The following CRADD variants were observed in gnomAD, a reference collection of about 807,000 sequenced individuals.
CRADD encodes the protein CARD and death domain containing adaptor protein, also known as death domain-containing protein CRADD.
A neutral mutation model predicts 15.5 loss-of-function variants in CRADD; 9 were observed. The ratio of observed to expected loss-of-function variants is 0.58; its 90% CI spans 0.35 to 1.01. CRADD has a LOEUF of 1.01. CRADD is among the 50% of genes least tolerant of loss of function. The probability of loss-of-function intolerance (pLI) is 0.02; values close to 1 mark genes in which losing one functional copy is unlikely to be tolerated. For missense variants in CRADD, 227 were observed against 250.3 expected (o/e 0.91, Z 0.63); for synonymous variants, 118 against 107.6 (o/e 1.10, Z -0.60).
At position 93,766,757 on chromosome 12, in the gene CRADD, G is replaced by A. The variant is rs199745026; in HGVS notation, c.299-83213G>A. Among the ~76,000 whole-genome samples, 7 of 152,298 alleles carry A rather than the reference G, an allele frequency of 4.6e-5. No individual in the cohort carries two copies. In the East Asian group the frequency reaches 7.7e-4, roughly 17 times the overall value. On this transcript the variant is annotated intron_variant, in intron 2 of 2. Transcript: ENST00000332896. Reference sequence around the variant, plus strand: ...GTATTAATGGCATCAACCATCCTTTGCTGGAAGATAAAGAGTCAGACTTTC... The same window carrying A: ...GTATTAATGGCATCAACCATCCTTTACTGGAAGATAAAGAGTCAGACTTTC...
intron 2 of CRADD, among the ~76,000 whole-genome samples, chr12:93,754,054 T>C (rs1956861196): frequency 6.6e-6 from 1 of 152,248 alleles, no homozygotes; most frequent in Non-Finnish European, 1.5e-5. Flanking sequence ...TTGCCATACA[T>C]TCTCTGAAAT....
intron 2 of CRADD, chr12:93,859,279 T>C: frequency 2.2e-6 from 1 of 454,050 alleles, no homozygotes; most frequent in Non-Finnish European, 4.4e-6. Flanking sequence ...ATCAAATACA[T>C]TTGTTACTTT....
intron 2 of CRADD, among the ~76,000 whole-genome samples, chr12:93,884,883 C>G (rs1323591979): frequency 6.6e-6 from 1 of 152,090 alleles, no homozygotes; most frequent in Non-Finnish European, 1.5e-5. Context: ...ACTTGTCCAC[C>G]CGAATGCATA....
At chr12:93,719,623 T>C (rs1956223046) in intron 2 of CRADD, among the ~76,000 whole-genome samples, 1 of 152,230 alleles carries the variant, frequency 6.6e-6, no homozygotes, top group African/African-American at 2.4e-5. Flanking sequence ...AAATGTTTAA[T>C]AGATGCAGGC....
intron 2 of CRADD, among the ~76,000 whole-genome samples, chr12:93,863,564 A>G (rs116047877): frequency 0.017 from 2,502 of 147,724 alleles, 72 homozygotes; most frequent in African/African-American, 0.06. Context: ...CCAGGCCTCT[A>G]CTATGTGGCC....
intron 2 of CRADD, among the ~76,000 whole-genome samples, chr12:93,891,210 C>T (rs996386036): frequency 6.0e-5 from 9 of 151,244 alleles, no homozygotes; most frequent in African/African-American, 1.9e-4. Flanking sequence ...TTTTCAATGG[C>T]GTGTGTGGTG....
downstream of CRADD, among the ~76,000 whole-genome samples, chr12:93,855,335 A>G (rs898335793): frequency 3.3e-5 from 5 of 152,192 alleles, no homozygotes; most frequent in African/African-American, 1.2e-4. Context: ...AGCTTTGGAC[A>G]GAGCCTCACC....
intron 2 of CRADD, among the ~76,000 whole-genome samples, chr12:93,722,789 A>G (rs1046790940): frequency 6.6e-6 from 1 of 152,298 alleles, no homozygotes; most frequent in East Asian, 1.9e-4. Flanking sequence ...TCCCTATCTG[A>G]TAATTCCAAC....
chr12:93,780,310 A>G (rs1233974279), intron 2 of CRADD, among the ~76,000 whole-genome samples: 3 of 152,216 alleles, frequency 2.0e-5, no homozygotes, highest in Non-Finnish European at 4.4e-5. Flanking sequence ...TGTGACTACA[A>G]TTTCCTGAGT....
At chr12:93,777,529 G>T (rs1276696093) in intron 2 of CRADD, among the ~76,000 whole-genome samples, 2 of 152,174 alleles carry the variant, frequency 1.3e-5, no homozygotes, top group Admixed American at 1.3e-4. Context: ...AGACCTAGGG[G>T]TCACCAACGA....
intron 2 of CRADD, among the ~76,000 whole-genome samples, chr12:93,691,461 C>T (rs907052551): frequency 2.6e-5 from 4 of 152,064 alleles, no homozygotes; most frequent in African/African-American, 9.7e-5. Flanking sequence ...ACCATGTTGG[C>T]CAGGCTGGTC....
At chr12:93,887,496 C>CT (rs1958546423) in intron 2 of CRADD, among the ~76,000 whole-genome samples, 1 of 152,230 alleles carries the variant, frequency 6.6e-6, no homozygotes, top group Non-Finnish European at 1.5e-5. Flanking sequence ...TCGAAGGAGA[C>CT]TGTGTTTCAC....
At chr12:93,699,041 G>GA (rs1182056091) in intron 2 of CRADD, among the ~76,000 whole-genome samples, 3 of 151,896 alleles carry the variant, frequency 2.0e-5, no homozygotes, top group East Asian at 3.9e-4. Flanking sequence ...CCAGAAACCA[G>GA]AAAAAAAACC....
chr12:93,770,216 CT>C (rs1419813081), intron 2 of CRADD, among the ~76,000 whole-genome samples: 1 of 150,812 alleles, frequency 6.6e-6, no homozygotes, highest in Non-Finnish European at 1.5e-5. Context: ...CTGCCTCAGC[CT>C]CCCGAGTAGC....
Position 93,765,848 on chromosome 12 carries a change from G to GTT in CRADD, c.299-84112_299-84111dup, listed in dbSNP as rs60407621. Among the ~76,000 whole-genome samples, 159 of 149,328 alleles carry GTT rather than the reference G, an allele frequency of 1.1e-3. No individual in the cohort carries two copies. The East Asian group carries it at 0.014, about 14-fold the overall frequency. On this transcript the variant is annotated intron_variant, in intron 2 of 2. Coordinates refer to ENST00000332896, the MANE Select transcript of CRADD (RefSeq NM_003805.5). ...ACTAAAGCTGAGAATGTTTTATTAA[G>GTT]TTTTTTTTTTTCTGTGAATTAGTAA...
At position 93,782,493 on chromosome 12, in the gene CRADD, TA is replaced by T. The variant is rs574629823; in HGVS notation, c.299-67469del. Among the ~76,000 whole-genome samples the T allele has an allele frequency of 2.9e-3, 419 of 146,446 alleles. 2 individuals are homozygous for T. The highest frequency in any genetic ancestry group is 9.0e-3 in the African/African-American group (357 of 39,546). On this transcript the variant is annotated intron_variant, in intron 2 of 2. Coordinates refer to ENST00000332896, the MANE Select transcript of CRADD (RefSeq NM_003805.5). The stretch of plus-strand genomic sequence containing the variant: ...TGTACCTTAAAACTTAAAGTATAAT[TA>T]AAAAAAACAAAAAGACTTAAGGGTG...
chr12:93,793,071 A>T (rs1957368979), intron 2 of CRADD, among the ~76,000 whole-genome samples: 1 of 152,180 alleles, frequency 6.6e-6, no homozygotes, highest in Non-Finnish European at 1.5e-5. Context: ...CCCACCATAA[A>T]TTGCTAATGA....
chr12:93,742,363 A>G (rs1956683198), intron 2 of CRADD, among the ~76,000 whole-genome samples: 3 of 151,480 alleles, frequency 2.0e-5, no homozygotes, highest in Admixed American at 2.0e-4. Context: ...GGAGCTGCAG[A>G]TAAGCCAGCG....
chr12:93,890,600 T>G (rs2137079344), intron 2 of CRADD, among the ~76,000 whole-genome samples: 1 of 152,218 alleles, frequency 6.6e-6, no homozygotes, highest in East Asian at 1.9e-4. Context: ...GACTTGTGGG[T>G]TTCAGTCATG....
Sources: gnomAD v4.1 joint callset for allele counts (sites outside exome capture counted in the v4.1 genomes callset) on GRCh38, gnomAD v4.1.1 for gene constraint, MANE v1.5 for transcripts, NCBI Gene and HGNC (gene_info 2026-07-23, HGNC 2026-07-21) for gene names.